KANSL1L: variants seen among roughly 807,000 people sequenced by gnomAD.
KANSL1L encodes the protein KAT8 regulatory NSL complex subunit 1-like protein.
Under a neutral mutation model 108.6 loss-of-function variants are expected in KANSL1L, and 25 were observed. The ratio of observed to expected loss-of-function variants is 0.23; its 90% confidence interval spans 0.17 to 0.32. The LOEUF is 0.32. Among genes scored for constraint, KANSL1L ranks in the 10% least tolerant of loss-of-function variants. KANSL1L has a pLI of 1.00. For synonymous variants in KANSL1L, 405 were observed against 395.1 expected, an observed-to-expected ratio of 1.03 and a Z score of -0.30; for missense variants, 1,137 against 1,125.7, an observed-to-expected ratio of 1.01 and a Z score of -0.14.
At chr2:210,147,897 G>A (rs1333932529) in intron 2 of KANSL1L, among the ~76,000 whole-genome samples, 1 of 152,124 alleles carries the variant, frequency 6.6e-6, no homozygotes, top group Admixed American at 6.5e-5. Context: ...GGCAAAGCAG[G>A]AAAGCAAGCA....
rs763890156 is a variant in KANSL1L, at chr2:210,098,187, G to C, written c.1449C>G (p.Ile483Met). The change falls in exon 5 of 15, where the codon ATC becomes ATG. Residue 483 changes from isoleucine to methionine, a missense_variant. This residue lies in a region of KANSL1L where 575 missense variants were observed against 567.1 expected (regional missense o/e 1.01). Transcript: ENST00000281772. ...IEKQSAQLTE[I>M]INSLIAPLNL... ...TGAGAGGGGCAATCAAACTGTTGAT[G>C]ATCTCAGTCAACTGTGCACTCTGCA... The C allele has an allele frequency of 3.1e-6, 5 of 1,612,252 alleles. No individual in the cohort carries two copies. The highest frequency in any genetic ancestry group is 3.4e-6 in the Non-Finnish European group (4 of 1,179,088).
chr2:210,152,095 AT>A (rs2095307694), intron 2 of KANSL1L: 1 of 152,010 alleles, frequency 6.6e-6, no homozygotes, highest in African/African-American at 2.4e-5. Flanking sequence ...CCTAGTGCCC[AT>A]TAGTTATTTT....
chr2:210,025,873 A>G (rs376397435), intron 12 of KANSL1L, among the ~76,000 whole-genome samples: 1 of 152,282 alleles, frequency 6.6e-6, no homozygotes, highest in East Asian at 1.9e-4. Context: ...TTCATATTTG[A>G]AGACTTCGGT....
At chr2:210,128,345 C>A (rs913396491) in intron 3 of KANSL1L, among the ~76,000 whole-genome samples, 1 of 152,094 alleles carries the variant, frequency 6.6e-6, no homozygotes, top group African/African-American at 2.4e-5. Context: ...TAGCTAAAAA[C>A]TGGAAGCAAC....
At chr2:210,107,327 T>G (rs1359971140) in intron 3 of KANSL1L, among the ~76,000 whole-genome samples, 1 of 151,932 alleles carries the variant, frequency 6.6e-6, no homozygotes, top group Non-Finnish European at 1.5e-5. Context: ...AGAGAAACCA[T>G]TTGATATAGC....
intron 2 of KANSL1L, among the ~76,000 whole-genome samples, chr2:210,141,379 G>A (rs1204242448): frequency 6.6e-6 from 1 of 152,092 alleles, no homozygotes; most frequent in African/African-American, 2.4e-5. Flanking sequence ...TTAAGAGGGT[G>A]AGCCTTTGGA....
rs76894511 is a variant in KANSL1L at position 210,057,101 on chromosome 2, T to C, written c.1756-12997A>G. Among the ~76,000 whole-genome samples the C allele has an allele frequency of 9.3e-3, 1,419 of 152,318 alleles. 21 individuals are homozygous for C. The highest frequency in any genetic ancestry group is 0.029 in the African/African-American group (1,218 of 41,568). On this transcript the variant is annotated intron_variant, in intron 6 of 14. Coordinates refer to ENST00000281772, the MANE Select transcript of KANSL1L (RefSeq NM_152519.4). ...GTCCTATAGAATGCAGTGGAAATTA[T>C]GTTGTTTAAGATCTGGTGGGCTGGG...
At chr2:210,033,836 C>T (rs2125151540) in intron 8 of KANSL1L, among the ~76,000 whole-genome samples, 1 of 152,254 alleles carries the variant, frequency 6.6e-6, no homozygotes, top group East Asian at 1.9e-4. Flanking sequence ...CCGCGCCCGG[C>T]CAAAAGTTGA....
chr2:210,143,115 G>A (rs2095241680), intron 2 of KANSL1L, among the ~76,000 whole-genome samples: 3 of 151,928 alleles, frequency 2.0e-5, no homozygotes, highest in African/African-American at 7.2e-5. Flanking sequence ...TATATATTTA[G>A]ATTCTCTGAT....
In KANSL1L at chr2:210,153,638, C is replaced by A; in HGVS notation, c.945G>T (p.Arg315=). Reference sequence around the variant, plus strand: ...ATCTTTGGATTTCCGCAGCTGTACACCGTGCAAAGCCATTTTTTGCATCAT... The same window carrying A: ...ATCTTTGGATTTCCGCAGCTGTACAACGTGCAAAGCCATTTTTTGCATCAT... ...LWDDAKNGFA[R]CTAAEIQRFA... The change falls in exon 2 of 15, where the codon CGG becomes CGT. Residue 315 remains arginine (R), a synonymous_variant. Transcript: ENST00000281772. 1 of 1,611,458 alleles carries A rather than the reference C, an allele frequency of 6.2e-7. No homozygotes were observed. The highest frequency in any genetic ancestry group is 2.2e-5 in the East Asian group (1 of 44,866).
At chr2:210,031,214 C>T in intron 9 of KANSL1L, 1 of 446,774 alleles carries the variant, frequency 2.2e-6, no homozygotes, top group East Asian at 4.5e-5. Context: ...GAGGGAAATA[C>T]TTAATTGCCA....
In KANSL1L at chr2:210,024,049, TGATTTAAA is replaced by T. The variant is rs1381320405; in HGVS notation, c.2709_2716del (p.Leu904LysfsTer19). The stretch of plus-strand genomic sequence containing the variant: ...TACACTTACCTTGGTTTCTTGACTT[TGATTTAAA>T]GAAGGTAAGCCATATGCACACAGAT... On this transcript the variant is annotated frameshift_variant, in exon 14 of 15. Coordinates refer to ENST00000281772, the MANE Select transcript of KANSL1L (RefSeq NM_152519.4). LOFTEE classifies it high-confidence loss of function. 2 of 1,573,242 alleles carry T rather than the reference TGATTTAAA, an allele frequency of 1.3e-6. No homozygotes were observed. Among genetic ancestry groups the T allele is most frequent in the Non-Finnish European group, 1.7e-6 (2 of 1,161,032 alleles).
At chr2:210,170,630 A>C (rs1056319009) in intron 1 of KANSL1L, 2 of 152,250 alleles carry the variant, frequency 1.3e-5, no homozygotes, top group Non-Finnish European at 2.9e-5. Context: ...CTAAAGCCCA[A>C]ATCTACGTTT....
At chr2:210,145,544 A>G (rs571883196) in intron 2 of KANSL1L, among the ~76,000 whole-genome samples, 1 of 152,328 alleles carries the variant, frequency 6.6e-6, no homozygotes, top group South Asian at 2.1e-4. Flanking sequence ...ACTGTGGTAG[A>G]AGTAGTTTCA....
intron 3 of KANSL1L, among the ~76,000 whole-genome samples, chr2:210,119,192 G>GAAAAAAAAGA (rs2094989130): frequency 6.8e-6 from 1 of 147,088 alleles, no homozygotes; most frequent in Non-Finnish European, 1.5e-5. Context: ...CGAAAAAAAA[G>GAAAAAAAAGA]AAAAAAAAGA....
chr2:210,058,973 C>T (rs149264363), intron 6 of KANSL1L, among the ~76,000 whole-genome samples: 2,217 of 151,826 alleles, frequency 0.015, 65 homozygotes, highest in African/African-American at 0.051. Flanking sequence ...TTTCTCAGAC[C>T]GGCTGACACT....
chr2:210,027,857 A>G (rs1485294753), intron 11 of KANSL1L, among the ~76,000 whole-genome samples: 4 of 152,208 alleles, frequency 2.6e-5, no homozygotes, highest in Non-Finnish European at 5.9e-5. Context: ...CATAGCCACA[A>G]ATGTTATTAC....
intron 1 of KANSL1L, among the ~76,000 whole-genome samples, chr2:210,168,452 G>T (rs263691): frequency 0.91 from 138,587 of 152,120 alleles, 64,574 homozygotes; most frequent in East Asian, 1. Context: ...AATAAGAAGT[G>T]AGCTACCAAG....
At chr2:210,079,636 A>G (rs59613575) in intron 5 of KANSL1L, among the ~76,000 whole-genome samples, 92 of 5,374 alleles carry the variant, frequency 0.017, 8 homozygotes, top group East Asian at 0.05. Flanking sequence ...ATATATATAT[A>G]TATATATATA....
Sources: gnomAD v4.1 joint callset for allele counts (sites outside exome capture counted in the v4.1 genomes callset) on GRCh38, gnomAD v4.1.1 for gene constraint, gnomAD v4.1.1 regional missense constraint, MANE v1.5 for transcripts, NCBI Gene and HGNC (gene_info 2026-07-23, HGNC 2026-07-21) for gene names.